MFN1: variants seen among roughly 807,000 people sequenced by gnomAD.
MFN1 encodes mitofusin-1.
MFN1 carries 65 observed loss-of-function variants against 92.4 expected under a neutral mutation model. The observed-to-expected ratio is 0.70, with a 90% confidence interval of 0.58 to 0.86. The LOEUF (loss-of-function observed/expected upper bound fraction) is 0.86. MFN1 is among the 40% of genes least tolerant of loss of function. MFN1 has a pLI of 0.00. For synonymous variants in MFN1, 297 were observed against 300.9 expected (o/e 0.99, Z 0.13); for missense variants, 781 against 868.0 (o/e 0.90, Z 1.26).
intron 1 of MFN1, 124 bp from the exon 2 acceptor site, chr3:179,348,721 C>T (rs1576998575): frequency 7.1e-7 from 1 of 1,414,898 alleles, no homozygotes; most frequent in Non-Finnish European, 9.4e-7. Context: ...AAAGAATTAC[C>T]TAAAAACATT....
Position 179,348,981 on chromosome 3 carries a change from T to G in MFN1, c.112+18T>G, listed in dbSNP as rs1443850962. ...TGTTGAAGGTTAGTTCTTCTTAAGT[T>G]TTTAAAGTAATTACTGTTGAAAATA... On this transcript the variant is annotated intron_variant, in intron 2 of 17. Transcript: ENST00000471841. 1 of 1,565,550 alleles carries G rather than the reference T, an allele frequency of 6.4e-7. No homozygotes were observed. Among genetic ancestry groups the G allele is most frequent in the East Asian group, 2.3e-5 (1 of 43,994 alleles).
intron 3 of MFN1, among the ~76,000 whole-genome samples, chr3:179,353,309 G>A (rs1325523617): frequency 4.9e-5 from 7 of 143,156 alleles, no homozygotes; most frequent in African/African-American, 1.0e-4. Context: ...CAGGCAATCC[G>A]CCCACCTCGA....
Position 179,375,206 on chromosome 3 carries a change from T to C in MFN1, c.976-14T>C, listed in dbSNP as rs1404267061. ...GGAATTACAGTAATGTGTTACGGCTTGGGCCCCTCGCAGGAGTGTATCTCG... is the reference window on the plus strand; with the variant it reads ...GGAATTACAGTAATGTGTTACGGCTCGGGCCCCTCGCAGGAGTGTATCTCG... On this transcript the variant is annotated splice_polypyrimidine_tract_variant and intron_variant, in intron 9 of 17. Transcript: ENST00000471841. 6.2e-7 allele frequency: 1 copy of C among 1,605,988 alleles called. No homozygotes were observed. The highest frequency in any genetic ancestry group is 8.5e-7 in the Non-Finnish European group (1 of 1,177,016).
Position 179,378,827 on chromosome 3 carries a change from G to C in MFN1, c.1662+13G>C. The C allele has an allele frequency of 6.4e-7, 1 of 1,565,962 alleles. No individual in the cohort carries two copies. The highest frequency in any genetic ancestry group is 8.8e-7 in the Non-Finnish European group (1 of 1,138,836). ...GCCTATCTTTCAGGTATGTATCTTT[G>C]AATCTACCAATTAAGACTCTCCTTT... On this transcript the variant is annotated intron_variant, in intron 14 of 17. Transcript: ENST00000471841.
Position 179,394,793 on chromosome 3 carries a change from G to A in MFN1, c.*2734G>A, listed in dbSNP as rs1003108360. 6 of 152,224 alleles carry A rather than the reference G, an allele frequency of 3.9e-5. No individual in the cohort carries two copies. The highest frequency in any genetic ancestry group is 2.0e-4 in the Admixed American group (3 of 15,286). The allele number at this position is 152,224 out of a possible 1,614,324, so 9.4% of individuals were successfully genotyped here. A position where few individuals can be genotyped will look rare whatever the true frequency, so the allele number is the denominator to read the frequency against. On this transcript the variant is annotated 3_prime_UTR_variant, in exon 18 of 18. Coordinates refer to ENST00000471841, the MANE Select transcript of MFN1 (RefSeq NM_033540.3). The stretch of plus-strand genomic sequence containing the variant: ...TTATACAGGAATTATGTAATTATGA[G>A]TGATGTACTTCAAAGTTATTGCACA...
intron 9 of MFN1, among the ~76,000 whole-genome samples, chr3:179,368,818 T>C (rs1577008574): frequency 6.6e-6 from 1 of 152,234 alleles, no homozygotes; most frequent in Admixed American, 6.5e-5. Flanking sequence ...ATAATTCATA[T>C]CACCTTCCCA....
At chr3:179,352,865 C>T (rs923748157) in intron 3 of MFN1, among the ~76,000 whole-genome samples, 1 of 152,028 alleles carries the variant, frequency 6.6e-6, no homozygotes, top group Non-Finnish European at 1.5e-5. Context: ...GATTCTCCTG[C>T]CTCAGCCTCC....
Position 179,390,026 on chromosome 3 carries a change from C to A in MFN1, c.2035C>A (p.Arg679Ser). The change falls in exon 17 of 18, where the codon CGC (arginine) becomes AGC (serine). Residue 679 changes from arginine to serine, a missense_variant. Arg to Ser is a moderately radical substitution (Grantham distance 110). Transcript: ENST00000471841. ...AAGACAAATAGCTACCACTTTTGCT[C>A]GCCTGTGCCAACAAGTTGATATTAC... ...VKQQIATTFA[R>S]LCQQVDITQK... 1 of 1,601,912 alleles carries A rather than the reference C, an allele frequency of 6.2e-7. No individual in the cohort carries two copies. Among genetic ancestry groups the A allele is most frequent in the South Asian group, 1.1e-5 (1 of 87,800 alleles).
intron 14 of MFN1, among the ~76,000 whole-genome samples, chr3:179,383,478 G>GT (rs200324083): frequency 0.012 from 1,862 of 152,274 alleles, 34 homozygotes; most frequent in African/African-American, 0.043. Flanking sequence ...GTTTGGTAGT[G>GT]TAGTATAGTT....
intron 4 of MFN1, among the ~76,000 whole-genome samples, chr3:179,361,928 G>T (rs1712596358): frequency 6.6e-6 from 1 of 152,226 alleles, no homozygotes; most frequent in Non-Finnish European, 1.5e-5. Flanking sequence ...CTCCATCCAT[G>T]TTCCTGCAAA....
intron 14 of MFN1, among the ~76,000 whole-genome samples, chr3:179,383,350 G>C (rs1481090893): frequency 1.3e-5 from 2 of 152,034 alleles, no homozygotes; most frequent in Non-Finnish European, 2.9e-5. Context: ...TCTTGTTTTT[G>C]TCAGGTTTGT....
At chr3:179,385,851 G>A in intron 15 of MFN1, 130 bp downstream of exon 15, 3 of 867,656 alleles carry the variant, frequency 3.5e-6, no homozygotes, top group Admixed American at 3.3e-5. Flanking sequence ...AAAATTTGCA[G>A]GTTAAAAGTA....
chr3:179,368,477 T>C (rs560978854), intron 9 of MFN1, among the ~76,000 whole-genome samples: 1 of 152,354 alleles, frequency 6.6e-6, no homozygotes, highest in Admixed American at 6.5e-5. Flanking sequence ...CATTATCCTT[T>C]TTTACTTTGT....
At chr3:179,378,242 A>G in intron 12 of MFN1, 99 bp from the exon 13 acceptor site, 1 of 937,810 alleles carries the variant, frequency 1.1e-6, no homozygotes, top group Non-Finnish European at 1.6e-6. Context: ...AAGTCAAATT[A>G]AAAAGACCAT....
chr3:179,363,917 TTTA>T (rs1712682507), intron 5 of MFN1, among the ~76,000 whole-genome samples: 2 of 152,154 alleles, frequency 1.3e-5, no homozygotes, highest in Admixed American at 1.3e-4. Context: ...TTTACAAATA[TTTA>T]TTGTTGGCAA....
chr3:179,393,509 T>C lies in MFN1; in HGVS notation c.*1450T>C, dbSNP rs2108565747. ...CTTTTTACAGCAGGTGCAACTCTAT[T>C]TTTCAAGGTATCTTAGAAGATAACA... On this transcript the variant is annotated 3_prime_UTR_variant, in exon 18 of 18. Coordinates refer to ENST00000471841, the MANE Select transcript of MFN1 (RefSeq NM_033540.3). 6.6e-6 allele frequency: 1 copy of C among 152,350 alleles called. No individual in the cohort carries two copies. The highest frequency in any genetic ancestry group is 6.5e-5 in the Admixed American group (1 of 15,304). 9.4% of individuals were successfully genotyped at this position (152,350 alleles called of 1,614,324 possible). A position where few individuals can be genotyped will look rare whatever the true frequency, so the allele number is the denominator to read the frequency against.
chr3:179,362,578 G>A (rs1345457513), intron 5 of MFN1, 96 bp downstream of exon 5: 8 of 1,171,532 alleles, frequency 6.8e-6, no homozygotes, highest in Non-Finnish European at 9.3e-6. Flanking sequence ...ACAACATTCA[G>A]TTGCCATTTT....
intron 11 of MFN1, 23 bp from the exon 12 acceptor site, chr3:179,377,321 C>T: frequency 6.4e-7 from 1 of 1,560,528 alleles, no homozygotes; most frequent in East Asian, 2.3e-5. Context: ...ATTATTTTAA[C>T]TCCAAAATTT....
intron 3 of MFN1, among the ~76,000 whole-genome samples, chr3:179,358,150 G>GTTTTTTTTT: frequency 8.4e-6 from 1 of 119,712 alleles, no homozygotes; most frequent in Non-Finnish European, 1.7e-5. Context: ...CACTCATTTT[G>GTTTTTTTTT]TTTTTTTTTT....
Sources: allele counts gnomAD v4.1 joint callset (sites outside exome capture counted in the v4.1 genomes callset), GRCh38; gene constraint gnomAD v4.1.1; transcripts MANE v1.5; gene names NCBI Gene and HGNC (gene_info 2026-07-23, HGNC 2026-07-21).